ZFYVE26: variants seen among roughly 807,000 people sequenced by gnomAD.
ZFYVE26 encodes zinc finger FYVE-type containing 26, also known as zinc finger FYVE domain-containing protein 26.
ZFYVE26 carries 181 observed loss-of-function variants against 276.5 expected under a neutral mutation model. The observed-to-expected ratio is 0.65, with a 90% CI of 0.58 to 0.74. ZFYVE26 has a LOEUF of 0.74. Among genes scored for constraint, ZFYVE26 ranks in the 30% least tolerant of loss-of-function variants. The pLI is 0.00. For missense variants in ZFYVE26, 2,821 were observed against 3,097.9 expected, an observed-to-expected ratio of 0.91 and a Z score of 2.12; for synonymous variants, 1,129 against 1,203.1, an observed-to-expected ratio of 0.94 and a Z score of 1.27.
chr14:67,803,992 C>T, intron 9 of ZFYVE26, 109 bp downstream of exon 9: 6 of 1,473,636 alleles, frequency 4.1e-6, no homozygotes, highest in Non-Finnish European at 3.8e-6. Flanking sequence ...CTCCTCACCA[C>T]CCTCTTGAAA....
chr14:67,768,709 C>T (rs759973652), intron 29 of ZFYVE26, among the ~76,000 whole-genome samples, 161 bp from the exon 30 acceptor site: 4 of 152,116 alleles, frequency 2.6e-5, no homozygotes, highest in African/African-American at 9.7e-5. Context: ...TACTAACTGC[C>T]CATTTCAAAT....
In ZFYVE26 at chr14:67,762,357, G is replaced by C; in HGVS notation, c.6215C>G (p.Ala2072Gly). Residue 2072 changes from alanine (A) to glycine (G), a missense_variant, in exon 34 of 42, where the codon GCC (alanine) becomes GGC (glycine). Transcript: ENST00000347230. Reference sequence around the variant, plus strand: ...AGTGAGGTTCCCGGCTTTGAGGCAGGCCATGCCCCAAGCATGCCACGCCCC... The same window carrying C: ...AGTGAGGTTCCCGGCTTTGAGGCAGCCCATGCCCCAAGCATGCCACGCCCC... ...TTGAWHAWGM[A>G]CLKAGNLTAA... 1 of 1,614,182 alleles carries C rather than the reference G, an allele frequency of 6.2e-7. No homozygotes were observed. Among genetic ancestry groups the C allele is most frequent in the Non-Finnish European group, 8.5e-7 (1 of 1,180,020 alleles).
intron 12 of ZFYVE26, among the ~76,000 whole-genome samples, chr14:67,795,688 A>C (rs2039937260): frequency 2.0e-5 from 3 of 152,214 alleles, no homozygotes; most frequent in Non-Finnish European, 4.4e-5. Context: ...ATTCTCTAAA[A>C]ATTTAATACT....
In ZFYVE26 at chr14:67,799,051, A is replaced by G; in HGVS notation, c.1640-429T>C. The G allele has an allele frequency of 3.4e-6, 4 of 1,184,314 alleles. No homozygotes were observed. In the South Asian group the frequency reaches 3.7e-5, roughly 11 times the overall value. The allele number at this position is 1,184,314 out of a possible 1,614,324, so 73.4% of individuals were successfully genotyped here. A position where few individuals can be genotyped will look rare whatever the true frequency, so the allele number is the denominator to read the frequency against. ...CCGTTCCCAGTGACAAAGAACAGAG[A>G]GCAGTGTACGATGAGCAGGGAACAG... On this transcript the variant is annotated intron_variant, in intron 10 of 41. Transcript: ENST00000347230.
At chr14:67,761,730 A>T in intron 34 of ZFYVE26, 146 bp from the exon 35 acceptor site, 1 of 695,130 alleles carries the variant, frequency 1.4e-6, no homozygotes, top group Non-Finnish European at 2.6e-6. Context: ...CGTTGTGCAC[A>T]TGTACCCTAG....
At chr14:67,742,943 G>A (rs570419892), downstream of ZFYVE26, among the ~76,000 whole-genome samples, 8 of 148,362 alleles carry the variant, frequency 5.4e-5, no homozygotes, top group East Asian at 4.1e-4. Flanking sequence ...GGGCTCAAGC[G>A]ATCCTCCCAC....
chr14:67,766,044 G>T (rs533056544), intron 32 of ZFYVE26, among the ~76,000 whole-genome samples, 183 bp downstream of exon 32: 45 of 152,220 alleles, frequency 3.0e-4, no homozygotes. Flanking sequence ...AGGGTGTCAG[G>T]TAGGATGGGG....
intron 2 of ZFYVE26, 130 bp downstream of exon 2, chr14:67,815,640 A>G: frequency 1.1e-6 from 1 of 910,846 alleles, no homozygotes; most frequent in East Asian, 2.4e-5. Context: ...ATTTCAGAGC[A>G]CGTGAAATAC....
At chr14:67,782,652 C>T in intron 21 of ZFYVE26, 128 bp downstream of exon 21, 1 of 1,483,978 alleles carries the variant, frequency 6.7e-7, no homozygotes, top group Non-Finnish European at 9.3e-7. Flanking sequence ...ACCTGGTCTC[C>T]TCTTAATAAC....
intron 23 of ZFYVE26, among the ~76,000 whole-genome samples, 188 bp downstream of exon 23, chr14:67,780,053 A>G (rs377430274): frequency 5.9e-5 from 9 of 152,208 alleles, no homozygotes; most frequent in East Asian, 5.8e-4. Flanking sequence ...TTGTATTTTT[A>G]GTAGAGACGG....
intron 5 of ZFYVE26, among the ~76,000 whole-genome samples, chr14:67,806,914 T>C (rs1292964382): frequency 6.6e-6 from 1 of 152,178 alleles, no homozygotes; most frequent in African/African-American, 2.4e-5. Flanking sequence ...TATCTTACAC[T>C]AGAAAACCTA....
At position 67,755,953 on chromosome 14, in the gene ZFYVE26, T is replaced by A. The variant is rs746645190; in HGVS notation, c.6781A>T (p.Met2261Leu). 23 of 1,614,096 alleles carry A rather than the reference T, an allele frequency of 1.4e-5. No homozygotes were observed. The highest frequency in any genetic ancestry group is 1.9e-5 in the Non-Finnish European group (23 of 1,180,046). ...CAGGAAGGGGCTGCCATTACCTTCATAAACTGCTGCAGCTCATACAGAATG... is the reference window on the plus strand; with the variant it reads ...CAGGAAGGGGCTGCCATTACCTTCAAAAACTGCTGCAGCTCATACAGAATG... Reference protein sequence around the residue: ...YHILYELQQFMKDQVRAAMTC... With the variant: ...YHILYELQQFLKDQVRAAMTC... The change falls in exon 36 of 42, where the codon ATG (methionine) becomes TTG (leucine). Residue 2261 changes from methionine to leucine, a missense_variant. Met to Leu is a conservative substitution (Grantham distance 15). Transcript: ENST00000347230.
intron 22 of ZFYVE26, among the ~76,000 whole-genome samples, 182 bp downstream of exon 22, chr14:67,781,151 T>C (rs2039487840): frequency 6.6e-6 from 1 of 152,210 alleles, no homozygotes; most frequent in Admixed American, 6.5e-5. Context: ...ATTATAGGAA[T>C]AAGTAACACA....
At chr14:67,800,884 T>C (rs1170251923) in intron 10 of ZFYVE26, among the ~76,000 whole-genome samples, 2 of 151,776 alleles carry the variant, frequency 1.3e-5, no homozygotes, top group African/African-American at 4.8e-5. Flanking sequence ...TGTCTTCATA[T>C]AATGGCATTA....
rs2038771932 is a variant in ZFYVE26, at chr14:67,756,102, C to T, written c.6632G>A (p.Ser2211Asn). Residue 2211 changes from serine (S) to asparagine (N), a missense_variant, in exon 36 of 42, where the codon AGC becomes AAC. Coordinates refer to ENST00000347230, the MANE Select transcript of ZFYVE26 (RefSeq NM_015346.4). ...AGTGTGTAGCTTCCCACTTTTATAG[C>T]TTGGTTGGAAAATGCCTTCTATAAA... ...EVFIEGIFQP[S>N]YKSGKLHTLE... is the part of the protein sequence containing the mutation. 1 of 1,614,184 alleles carries T rather than the reference C, an allele frequency of 6.2e-7. No individual in the cohort carries two copies. The highest frequency in any genetic ancestry group is 8.5e-7 in the Non-Finnish European group (1 of 1,180,018).
At chr14:67,753,097 T>C (rs949060875) in intron 39 of ZFYVE26, among the ~76,000 whole-genome samples, 3 of 152,104 alleles carry the variant, frequency 2.0e-5, no homozygotes, top group Non-Finnish European at 4.4e-5. Flanking sequence ...ACCTGACTAA[T>C]CATGTATGAA....
intron 28 of ZFYVE26, 106 bp from the exon 29 acceptor site, chr14:67,769,836 G>A: frequency 6.8e-7 from 1 of 1,469,262 alleles, no homozygotes; most frequent in South Asian, 1.2e-5. Context: ...TACTTTCTAA[G>A]AACACCAACT....
chr14:67,749,010 T>G (rs2038563197), intron 41 of ZFYVE26, among the ~76,000 whole-genome samples: 1 of 152,166 alleles, frequency 6.6e-6, no homozygotes, highest in Non-Finnish European at 1.5e-5. Flanking sequence ...ATTTTGTAGT[T>G]ACTTGAGTGA....
Position 67,736,810 on chromosome 14 carries a change from G to A in ZFYVE26, n.2680-6991C>T, listed in dbSNP as rs567689163. ...GTATCTATAGGGGAGTGAGAGAAGC[G>A]GGACAGGGCAGAGGGTGAAGTTGAT... On this transcript the variant is annotated intron_variant and non_coding_transcript_variant, in intron 13 of 14. Coordinates refer to the ZFYVE26 transcript ENST00000394455. Among the ~76,000 whole-genome samples, 64 of 152,254 alleles carry A rather than the reference G, an allele frequency of 4.2e-4. 1 individual carries two copies. The South Asian group carries it at 0.012, about 28-fold the overall frequency.
Sources: allele counts gnomAD v4.1 joint callset (sites outside exome capture counted in the v4.1 genomes callset), GRCh38; gene constraint gnomAD v4.1.1; transcripts MANE v1.5; gene names NCBI Gene and HGNC (gene_info 2026-07-23, HGNC 2026-07-21).